The following ETV6 variants were observed in gnomAD, a reference collection of about 807,000 sequenced individuals.
ETV6 encodes the protein transcription factor ETV6.
In ETV6, 16 loss-of-function variants were observed where a neutral mutation model predicts 51.1. The ratio of observed to expected loss-of-function variants is 0.31; its 90% confidence interval spans 0.21 to 0.48. The LOEUF (loss-of-function observed/expected upper bound fraction) is 0.48, where lower values mean the gene tolerates loss of function less well. Ranked by LOEUF, ETV6 falls within the 20% of genes least tolerant of loss-of-function variation. The pLI, the probability that ETV6 is intolerant of heterozygous loss-of-function variation, is 0.99. For synonymous variants in ETV6, 240 were observed against 224.1 expected (o/e 1.07, Z -0.64); for missense variants, 458 against 594.8 (o/e 0.77, Z 2.39).
At chr12:11,771,551 C>T (rs544524091) in intron 2 of ETV6, among the ~76,000 whole-genome samples, 1 of 152,144 alleles carries the variant, frequency 6.6e-6, no homozygotes, top group South Asian at 2.1e-4. Context: ...CCAGAGTGAT[C>T]TCCATGGTAA....
intron 2 of ETV6, among the ~76,000 whole-genome samples, chr12:11,833,426 A>T (rs1426893691): frequency 6.6e-6 from 1 of 152,244 alleles, no homozygotes; most frequent in African/African-American, 2.4e-5. Context: ...TAGAGGTTCC[A>T]TGCTTGTGCT....
intron 1 of ETV6, among the ~76,000 whole-genome samples, chr12:11,691,197 G>C (rs984727603): frequency 3.3e-5 from 5 of 152,018 alleles, no homozygotes; most frequent in Non-Finnish European, 7.4e-5. Flanking sequence ...CTACCCTCAT[G>C]ACTTAAAACA....
chr12:11,721,176 CAG>C lies in ETV6; in HGVS notation c.34-31271_34-31270del, dbSNP rs533692560. 9.9e-5 allele frequency among the ~76,000 whole-genome samples: 15 copies of C among 152,218 alleles called. No homozygotes were observed. In the South Asian group the frequency reaches 2.9e-3, roughly 29 times the overall value. On this transcript the variant is annotated intron_variant, in intron 1 of 7. Coordinates refer to ENST00000396373, the MANE Select transcript of ETV6 (RefSeq NM_001987.5). ...AGTTTGGAGATTTCTCAACTTAAAA[CAG>C]AGCTACCATTCAGCCCATAAATCTC...
chr12:11,830,054 A>C (rs1296258265), intron 2 of ETV6, among the ~76,000 whole-genome samples: 1 of 152,130 alleles, frequency 6.6e-6, no homozygotes, highest in Non-Finnish European at 1.5e-5. Flanking sequence ...GAGGCAGAAA[A>C]GTCTCCGGAA....
intron 1 of ETV6, among the ~76,000 whole-genome samples, chr12:11,650,464 C>G (rs1863874225): frequency 8.0e-6 from 1 of 124,244 alleles, no homozygotes; most frequent in Non-Finnish European, 1.6e-5. Flanking sequence ...GTAAAACACC[C>G]CCGTAATTAG....
chr12:11,859,923 A>G (rs1946690331), intron 4 of ETV6, among the ~76,000 whole-genome samples: 1 of 152,204 alleles, frequency 6.6e-6, no homozygotes, highest in South Asian at 2.1e-4. Context: ...ACTCCAAAGT[A>G]TGTCTAGTTC....
At position 11,684,274 on chromosome 12, in the gene ETV6, T is replaced by C. The variant is rs558724474; in HGVS notation, c.33+34114T>C. ...ACCAGTGCCTCTAACAATCCGCTTC[T>C]GCCCTGTGGCATTTTTTGAAATGTT... On this transcript the variant is annotated intron_variant, in intron 1 of 7. Transcript: ENST00000396373. Among the ~76,000 whole-genome samples, 321 of 152,396 alleles carry C rather than the reference T, an allele frequency of 2.1e-3. 3 individuals are homozygous for C. The highest frequency in any genetic ancestry group is 7.5e-3 in the African/African-American group (311 of 41,590).
At chr12:11,883,276 C>CTTTTTTTTTTTTT (rs547786286) in intron 5 of ETV6, among the ~76,000 whole-genome samples, 14 of 79,112 alleles carry the variant, frequency 1.8e-4, no homozygotes, top group African/African-American at 3.0e-4. Flanking sequence ...ATGTCTTCTT[C>CTTTTTTTTTTTTT]TTTTTTTTTT....
chr12:11,707,247 A>T (rs1166468447), intron 1 of ETV6, among the ~76,000 whole-genome samples: 1 of 152,194 alleles, frequency 6.6e-6, no homozygotes, highest in Non-Finnish European at 1.5e-5. Flanking sequence ...TGCTTCTCAA[A>T]TGGGAAGTCT....
chr12:11,734,373 A>G (rs1865662425), intron 1 of ETV6, among the ~76,000 whole-genome samples: 1 of 152,106 alleles, frequency 6.6e-6, no homozygotes, highest in Non-Finnish European at 1.5e-5. Flanking sequence ...TCGGGAGGCC[A>G]AGATGGGTGG....
chr12:11,734,449 A>G (rs1205765469), intron 1 of ETV6, among the ~76,000 whole-genome samples: 4 of 151,716 alleles, frequency 2.6e-5, no homozygotes, highest in Non-Finnish European at 5.9e-5. Context: ...TCTACAAAAA[A>G]TATAAAAATT....
At chr12:11,666,612 C>A (rs1194731923) in intron 1 of ETV6, among the ~76,000 whole-genome samples, 1 of 152,198 alleles carries the variant, frequency 6.6e-6, no homozygotes, top group Non-Finnish European at 1.5e-5. Flanking sequence ...TATAAGCAGA[C>A]CAAACTGGGC....
At chr12:11,859,060 G>A (rs970368863) in intron 4 of ETV6, among the ~76,000 whole-genome samples, 1 of 143,294 alleles carries the variant, frequency 7.0e-6, no homozygotes. Flanking sequence ...TGCTTTGGCA[G>A]AAGGAAGTTG....
chr12:11,834,759 T>G (rs1487974531), intron 2 of ETV6, among the ~76,000 whole-genome samples: 2 of 152,244 alleles, frequency 1.3e-5, no homozygotes, highest in Admixed American at 6.5e-5. Context: ...GGAGTAATTC[T>G]GTAGAAAAAG....
chr12:11,845,949 G>A (rs1186917783), intron 3 of ETV6, among the ~76,000 whole-genome samples: 78 of 149,728 alleles, frequency 5.2e-4, no homozygotes, highest in Admixed American at 5.1e-3. Context: ...CCGAGATCAC[G>A]CCATTGCTCT....
intron 2 of ETV6, among the ~76,000 whole-genome samples, chr12:11,819,462 A>G (rs932027960): frequency 3.3e-5 from 5 of 152,208 alleles, no homozygotes; most frequent in African/African-American, 1.2e-4. Flanking sequence ...GGGGACTTCC[A>G]AATATTTTTT....
intron 7 of ETV6, 108 bp downstream of exon 7, chr12:11,886,134 CA>C: frequency 1.3e-6 from 1 of 750,048 alleles, no homozygotes; most frequent in Non-Finnish European, 2.3e-6. Context: ...ATCGGATACC[CA>C]AAGCCAATCA....
chr12:11,874,527 T>C lies in ETV6; in HGVS notation c.1009+4558T>C, dbSNP rs376829407. On this transcript the variant is annotated intron_variant, in intron 5 of 7. Coordinates refer to ENST00000396373, the MANE Select transcript of ETV6 (RefSeq NM_001987.5). ...GTATGTGCGTGTGTACACACATATA[T>C]GTGTATGTGCGTGTGTACACACATA... 2.6e-3 allele frequency among the ~76,000 whole-genome samples: 53 copies of C among 20,648 alleles called. 20 individuals carry two copies. Among genetic ancestry groups the C allele is most frequent in the African/African-American group, 5.1e-3 (53 of 10,426 alleles). The allele number at this position is 20,648 out of a possible 152,430, so 13.5% of individuals were successfully genotyped here.
chr12:11,751,531 C>G, intron 1 of ETV6: 1 of 501,454 alleles, frequency 2.0e-6, no homozygotes, highest in Non-Finnish European at 4.0e-6. Context: ...TTGCCGAACC[C>G]AACAGTCGGT....
Sources: gnomAD v4.1 joint callset for allele counts (sites outside exome capture counted in the v4.1 genomes callset) on GRCh38, gnomAD v4.1.1 for gene constraint, MANE v1.5 for transcripts, NCBI Gene and HGNC (gene_info 2026-07-23, HGNC 2026-07-21) for gene names.